The following LARGE1 variants were observed in gnomAD, a reference collection of about 807,000 sequenced individuals.
The protein encoded by LARGE1 is xylosyl- and glucuronyltransferase LARGE1.
Under a neutral mutation model 87.6 loss-of-function variants are expected in LARGE1, and 43 were observed. The observed-to-expected ratio is 0.49, with a 90% CI of 0.38 to 0.63. The LOEUF (loss-of-function observed/expected upper bound fraction) is 0.63. Among genes scored for constraint, LARGE1 ranks in the 30% least tolerant of loss-of-function variants. The pLI is 0.00. For synonymous variants in LARGE1, 434 were observed against 394.6 expected (o/e 1.10, Z -1.18); for missense variants, 802 against 1,000.2 (o/e 0.80, Z 2.67).
rs35018256 is a variant in LARGE1, at chr22:33,416,906, C to CTTTTTTTTTTTTTTTTT, written c.892+15238_892+15254dup. 6.4e-4 allele frequency among the ~76,000 whole-genome samples: 58 copies of CTTTTTTTTTTTTTTTTT among 90,140 alleles called. 2 individuals carry two copies. Among genetic ancestry groups the CTTTTTTTTTTTTTTTTT allele is most frequent in the Non-Finnish European group, 6.9e-4 (35 of 50,664 alleles). The allele number at this position is 90,140 out of a possible 152,430, so 59.1% of individuals were successfully genotyped here. ...ACAGGTGTGAGGCACCACGCCCGGA[C>CTTTTTTTTTTTTTTTTT]TTTTTTTTTTTTTTTTTTTGAGACA... On this transcript the variant is annotated intron_variant, in intron 7 of 14. Coordinates refer to ENST00000397394, the MANE Select transcript of LARGE1 (RefSeq NM_133642.5).
intron 7 of LARGE1, among the ~76,000 whole-genome samples, chr22:33,429,864 TG>T (rs1432087194): frequency 5.3e-5 from 8 of 152,104 alleles, no homozygotes; most frequent in African/African-American, 1.9e-4. Context: ...TGGCCCGCTG[TG>T]GGTTCATGGA....
chr22:33,793,053 C>T (rs1377302215), intron 1 of LARGE1, among the ~76,000 whole-genome samples: 4 of 152,208 alleles, frequency 2.6e-5, no homozygotes, highest in African/African-American at 9.6e-5. Flanking sequence ...GGGAGTTCCA[C>T]GACTGGCCAT....
intron 3 of LARGE1, among the ~76,000 whole-genome samples, chr22:33,643,755 A>T (rs778774441): frequency 1.3e-5 from 2 of 152,212 alleles, no homozygotes; most frequent in Non-Finnish European, 2.9e-5. Context: ...ACAGAAATAC[A>T]AACTACCATC....
chr22:33,604,515 C>T lies in LARGE1; in HGVS notation c.535G>A (p.Glu179Lys), dbSNP rs370128137. The change falls in exon 5 of 15, where the codon GAG (glutamate) becomes AAG (lysine). Residue 179 changes from glutamate to lysine, a missense_variant. Transcript: ENST00000397394. ...TGGAAGAGCGTGGCCAGGATCTGCT[C>T]CGCAATGGAGTCAGCAATAAGGTGG... Reference protein sequence around the residue: ...HFHLIADSIAEQILATLFQTW... With the variant: ...HFHLIADSIAKQILATLFQTW... The T allele has an allele frequency of 7.9e-5, 127 of 1,613,966 alleles. 1 individual carries two copies. The highest frequency in any genetic ancestry group is 1.2e-4 in the Admixed American group (7 of 60,002).
chr22:33,314,710 G>A (rs558719728), intron 11 of LARGE1, among the ~76,000 whole-genome samples: 1 of 152,258 alleles, frequency 6.6e-6, no homozygotes, highest in South Asian at 2.1e-4. Flanking sequence ...CTTCCTAATT[G>A]TAGGAGCTGA....
chr22:33,246,886 A>G (rs935509198), intron 11 of LARGE1, among the ~76,000 whole-genome samples: 1 of 152,240 alleles, frequency 6.6e-6, no homozygotes, highest in African/African-American at 2.4e-5. Context: ...CATGAGAAGA[A>G]CAGCACAAAA....
chr22:33,897,366 T>C (rs565148688), intron 1 of LARGE1, among the ~76,000 whole-genome samples: 6 of 152,284 alleles, frequency 3.9e-5, no homozygotes, highest in African/African-American at 1.2e-4. Flanking sequence ...TCTACAAAGA[T>C]AAAAGTCCCA....
chr22:33,275,971 A>C (rs537234789), intron 14 of LARGE1, among the ~76,000 whole-genome samples: 1 of 152,190 alleles, frequency 6.6e-6, no homozygotes, highest in Non-Finnish European at 1.5e-5. Flanking sequence ...TCTGTTGTTA[A>C]ATATGGACAT....
Position 33,304,347 on chromosome 22 carries a change from C to T in LARGE1, c.1612G>A (p.Gly538Ser), listed in dbSNP as rs768675700. ...AGCAGGTTCACGGGGTAGAACTGGCCCTCCTTGTACACGATGTGGTAGCCC... is the reference window on the plus strand; with the variant it reads ...AGCAGGTTCACGGGGTAGAACTGGCTCTCCTTGTACACGATGTGGTAGCCC... ...NVGYHIVYKE[G>S]QFYPVNLLRN... is the part of the protein sequence containing the mutation. Residue 538 changes from glycine to serine, a missense_variant, in exon 12 of 15, where the codon GGC becomes AGC. By Grantham distance (56) the Gly-to-Ser change is moderately conservative (BLOSUM62 0). Around this residue, in one of 2 missense-constraint regions of LARGE1, gnomAD observed 625 missense variants for 841.9 expected, o/e 0.74. Coordinates refer to ENST00000397394, the MANE Select transcript of LARGE1 (RefSeq NM_133642.5). 16 of 1,614,260 alleles carry T rather than the reference C, an allele frequency of 9.9e-6. No individual in the cohort carries two copies. The highest frequency in any genetic ancestry group is 1.3e-5 in the Non-Finnish European group (15 of 1,180,046).
the LARGE1 span, among the ~76,000 whole-genome samples, chr22:33,134,919 T>C: frequency 5.3e-5 from 8 of 152,162 alleles, no homozygotes; most frequent in Admixed American, 5.2e-4. Flanking sequence ...GGCAGATTTA[T>C]GGTAGGGGCT....
the LARGE1 span, among the ~76,000 whole-genome samples, chr22:33,085,055 C>G: frequency 6.6e-6 from 1 of 152,236 alleles, no homozygotes; most frequent in African/African-American, 2.4e-5. Flanking sequence ...GAGGGTGGAT[C>G]ACCTGAGGTC....
chr22:33,744,470 G>A (rs1266021799), intron 2 of LARGE1: 1 of 152,356 alleles, frequency 6.6e-6, no homozygotes, highest in Non-Finnish European at 1.5e-5. Context: ...GTACCTGGGA[G>A]CTGCTAGTCT....
intron 1 of LARGE1, among the ~76,000 whole-genome samples, chr22:33,830,505 CTGTGTG>C (rs2062934320): frequency 6.6e-6 from 1 of 152,236 alleles, no homozygotes; most frequent in Non-Finnish European, 1.5e-5. Context: ...TACTTATCAG[CTGTGTG>C]ACCTTGGACA....
intron 13 of LARGE1, 37 bp downstream of exon 13, chr22:33,283,165 C>G: frequency 1.9e-6 from 3 of 1,613,284 alleles, no homozygotes; most frequent in Non-Finnish European, 2.5e-6. Flanking sequence ...AGAAGGCCTT[C>G]GAGCACCCCC....
In LARGE1 at chr22:33,514,549, T is replaced by C. The variant is rs2071210669; in HGVS notation, c.787+50299A>G. The stretch of plus-strand genomic sequence containing the variant: ...ACTATTTACATGGTGCTAGGTATTA[T>C]AAGTAATTTAGAGATGATTTAAAGT... On this transcript the variant is annotated intron_variant, in intron 6 of 14. Transcript: ENST00000397394. Among the ~76,000 whole-genome samples the C allele has an allele frequency of 2.0e-5, 3 of 152,314 alleles. No homozygotes were observed. The South Asian group carries it at 6.2e-4, about 32-fold the overall frequency.
chr22:33,726,490 C>T (rs777584342), intron 2 of LARGE1, among the ~76,000 whole-genome samples: 1 of 152,276 alleles, frequency 6.6e-6, no homozygotes. Flanking sequence ...CTCGTAAACA[C>T]GTGGCAATAT....
Position 33,301,200 on chromosome 22 carries a change from C to T in LARGE1, c.1730+3029G>A, listed in dbSNP as rs546314066. Among the ~76,000 whole-genome samples, 713 of 152,238 alleles carry T rather than the reference C, an allele frequency of 4.7e-3. 1 individual carries two copies. The highest frequency in any genetic ancestry group is 7.8e-3 in the Non-Finnish European group (528 of 68,012). Reference sequence around the variant, plus strand: ...TCCATCTACTCACCAGAAAAAATGTCCCTGAAGCCAAGGGTAAGTTGATAT... The same window carrying T: ...TCCATCTACTCACCAGAAAAAATGTTCCTGAAGCCAAGGGTAAGTTGATAT... On this transcript the variant is annotated intron_variant, in intron 12 of 14. Transcript: ENST00000397394.
At chr22:33,458,170 G>C (rs1199418008) in intron 6 of LARGE1, among the ~76,000 whole-genome samples, 23 of 148,362 alleles carry the variant, frequency 1.6e-4, no homozygotes, top group Non-Finnish European at 2.4e-4. Flanking sequence ...GCAGTGGCAT[G>C]ATCTCGGCTC....
intron 5 of LARGE1, among the ~76,000 whole-genome samples, chr22:33,574,204 C>T (rs73882268): frequency 0.023 from 3,539 of 152,168 alleles, 116 homozygotes; most frequent in African/African-American, 0.081. Context: ...TACAGCCATC[C>T]TTGGAGTCTG....
Sources: gnomAD v4.1 joint callset for allele counts (sites outside exome capture counted in the v4.1 genomes callset) on GRCh38, gnomAD v4.1.1 for gene constraint, gnomAD v4.1.1 regional missense constraint, MANE v1.5 for transcripts, NCBI Gene and HGNC (gene_info 2026-07-23, HGNC 2026-07-21) for gene names.